The following EML5 variants were observed in gnomAD, a reference collection of about 807,000 sequenced individuals.
EML5 encodes echinoderm microtubule-associated protein-like 5.
Under a neutral mutation model 250.0 loss-of-function variants are expected in EML5, and 120 were observed. That is an observed-to-expected ratio of 0.48 (90% CI 0.41 to 0.56). The LOEUF is 0.56. Ranked by LOEUF, EML5 falls within the 20% of genes least tolerant of loss-of-function variation. EML5 has a pLI of 0.00. For synonymous variants in EML5, 771 were observed against 806.5 expected, an observed-to-expected ratio of 0.96 and a Z score of 0.75; for missense variants, 2,006 against 2,437.6, an observed-to-expected ratio of 0.82 and a Z score of 3.73.
intron 3 of EML5, among the ~76,000 whole-genome samples, chr14:88,745,703 C>A (rs2093995399): frequency 6.6e-6 from 1 of 152,122 alleles, no homozygotes; most frequent in South Asian, 2.1e-4. Flanking sequence ...TCAAACCCAT[C>A]AAACTTCACA....
At chr14:88,685,178 C>G (rs1460626818) in intron 19 of EML5, 36 bp from the exon 20 acceptor site, 1 of 1,561,114 alleles carries the variant, frequency 6.4e-7, no homozygotes, top group African/African-American at 1.4e-5. Context: ...TTTAGACATA[C>G]AGTTACTATA....
At chr14:88,659,015 T>C (rs2140913958) in intron 25 of EML5, among the ~76,000 whole-genome samples, 1 of 152,320 alleles carries the variant, frequency 6.6e-6, no homozygotes, top group African/African-American at 2.4e-5. Flanking sequence ...ATTAGTGCTT[T>C]TTTTTGTAAG....
intron 15 of EML5, among the ~76,000 whole-genome samples, chr14:88,695,848 GAA>G (rs892021266): frequency 1.3e-5 from 2 of 152,074 alleles, no homozygotes; most frequent in African/African-American, 4.8e-5. Context: ...GAGTAATTAT[GAA>G]AAGTTAATCA....
chr14:88,616,101 G>A (rs754539822), intron 43 of EML5, 41 bp downstream of exon 43: 1 of 1,593,238 alleles, frequency 6.3e-7, no homozygotes, highest in South Asian at 1.1e-5. Flanking sequence ...CTCTTAACTA[G>A]TAACATAGTC....
At chr14:88,789,051 C>A (rs1199541913) in intron 1 of EML5, among the ~76,000 whole-genome samples, 2 of 150,654 alleles carry the variant, frequency 1.3e-5, no homozygotes, top group East Asian at 3.9e-4. Context: ...TGACGCAGAG[C>A]AAGGGCCTGT....
At chr14:88,788,900 A>C (rs903054398) in intron 1 of EML5, among the ~76,000 whole-genome samples, 1 of 24,476 alleles carries the variant, frequency 4.1e-5, no homozygotes, top group Non-Finnish European at 5.9e-5. Flanking sequence ...TCTTTACCGA[A>C]AAAAAAAAAA....
chr14:88,779,641 G>T (rs1253698242), intron 1 of EML5, among the ~76,000 whole-genome samples: 1 of 152,156 alleles, frequency 6.6e-6, no homozygotes, highest in East Asian at 1.9e-4. Flanking sequence ...CACCCTACTA[G>T]TCTTTTATAT....
chr14:88,752,984 G>C (rs757238895), intron 2 of EML5, among the ~76,000 whole-genome samples: 6 of 152,086 alleles, frequency 3.9e-5, no homozygotes, highest in African/African-American at 1.4e-4. Flanking sequence ...CAATCTGTTC[G>C]TGTAACCTGG....
At chr14:88,669,223 A>C (rs1375778170) in intron 21 of EML5, among the ~76,000 whole-genome samples, 1 of 152,164 alleles carries the variant, frequency 6.6e-6, no homozygotes, top group Non-Finnish European at 1.5e-5. Context: ...TTGAGTCCCA[A>C]GCATAGAGCT....
chr14:88,639,741 TATATATTTTTTGTATTTTTAGTAG>T lies in EML5; in HGVS notation c.4238-858_4238-835del, dbSNP rs555386396. 3.9e-5 allele frequency among the ~76,000 whole-genome samples: 6 copies of T among 152,036 alleles called. No homozygotes were observed. The South Asian group carries it at 6.2e-4, about 16-fold the overall frequency. ...ACAGGTGTGTGCCATCATGCCCAGC[TATATATTTTTTGTATTTTTAGTAG>T]ATACGGGGTTTTGCTGTGTTGGCCA... On this transcript the variant is annotated intron_variant, in intron 31 of 43. Coordinates refer to ENST00000554922, the MANE Select transcript of EML5 (RefSeq NM_183387.3).
Position 88,682,143 on chromosome 14 carries a change from G to A in EML5, c.2983-112C>T, listed in dbSNP as rs893101444. The A allele has an allele frequency of 2.3e-4, 248 of 1,086,836 alleles. 1 individual carries two copies. The East Asian group carries it at 3.9e-3, about 17-fold the overall frequency. 67.3% of individuals were successfully genotyped at this position (1,086,836 alleles called of 1,614,324 possible). A position where few individuals can be genotyped will look rare whatever the true frequency, so the allele number is the denominator to read the frequency against. ...CAATAATATATGATAATAGGATACC[G>A]AATAGTGAGTAAATCTATCAAAACT... On this transcript the variant is annotated intron_variant, in intron 20 of 43. Transcript: ENST00000554922.
In EML5 at chr14:88,693,973, A is replaced by C. The variant is rs527496194; in HGVS notation, c.2539+334T>G. 2.7e-3 allele frequency among the ~76,000 whole-genome samples: 393 copies of C among 147,600 alleles called. 7 individuals carry two copies. The highest frequency in any genetic ancestry group is 1.9e-3 in the Non-Finnish European group (130 of 67,046). On this transcript the variant is annotated intron_variant, in intron 17 of 43. Transcript: ENST00000554922. ...TTTTTTGTAGAGACAGGGTCTCACTATGCTGCCCAGGCTGCTCTTGAACAC... is the reference window on the plus strand; with the variant it reads ...TTTTTTGTAGAGACAGGGTCTCACTCTGCTGCCCAGGCTGCTCTTGAACAC...
At chr14:88,634,817 T>C (rs1218018480) in intron 32 of EML5, among the ~76,000 whole-genome samples, 3 of 152,194 alleles carry the variant, frequency 2.0e-5, no homozygotes, top group Non-Finnish European at 4.4e-5. Context: ...AATGTACTGC[T>C]AATAATAGAC....
chr14:88,711,603 C>T (rs1448088124), intron 10 of EML5, among the ~76,000 whole-genome samples: 1 of 151,874 alleles, frequency 6.6e-6, no homozygotes, highest in African/African-American at 2.4e-5. Flanking sequence ...CCAGGTTCCT[C>T]CCTTAACACC....
intron 27 of EML5, among the ~76,000 whole-genome samples, chr14:88,652,123 A>C (rs1336996195): frequency 6.6e-6 from 1 of 152,186 alleles, no homozygotes; most frequent in African/African-American, 2.4e-5. Context: ...GGAATTCTGT[A>C]CAAGTACTTA....
chr14:88,770,852 C>A (rs1172861151), intron 1 of EML5, among the ~76,000 whole-genome samples: 2 of 152,106 alleles, frequency 1.3e-5, no homozygotes, highest in Non-Finnish European at 2.9e-5. Flanking sequence ...GATTATTACC[C>A]ATCCATATTG....
intron 22 of EML5, among the ~76,000 whole-genome samples, chr14:88,664,930 C>A (rs192887533): frequency 1.3e-5 from 2 of 152,054 alleles, no homozygotes; most frequent in Admixed American, 1.3e-4. Flanking sequence ...GGAACTAAAC[C>A]AACATAAGTA....
intron 23 of EML5, among the ~76,000 whole-genome samples, 190 bp from the exon 24 acceptor site, chr14:88,663,309 T>C (rs528875088): frequency 2.6e-5 from 4 of 152,280 alleles, no homozygotes; most frequent in African/African-American, 9.6e-5. Flanking sequence ...AATTCATAAG[T>C]GGTTTGATTT....
At chr14:88,772,684 C>T (rs566969676) in intron 1 of EML5, among the ~76,000 whole-genome samples, 4 of 151,730 alleles carry the variant, frequency 2.6e-5, no homozygotes, top group Admixed American at 6.6e-5. Context: ...ACCTGGGAGG[C>T]GGAGGTTGCA....
Sources: gnomAD v4.1 joint callset for allele counts (sites outside exome capture counted in the v4.1 genomes callset) on GRCh38, gnomAD v4.1.1 for gene constraint, MANE v1.5 for transcripts, NCBI Gene and HGNC (gene_info 2026-07-23, HGNC 2026-07-21) for gene names.